Variants in HNF4G observed in about 807,000 individuals in gnomAD.
The protein encoded by HNF4G is hepatocyte nuclear factor 4 gamma, also known as hepatocyte nuclear factor 4-gamma.
In HNF4G, 21 loss-of-function variants were observed where a neutral mutation model predicts 50.9. The observed-to-expected ratio is 0.41, with a 90% CI of 0.29 to 0.59. The LOEUF (loss-of-function observed/expected upper bound fraction) is 0.59. Ranked by LOEUF, HNF4G falls within the 20% of genes least tolerant of loss-of-function variation. HNF4G has a pLI of 0.26. For missense variants in HNF4G, 527 were observed against 559.4 expected (o/e 0.94, Z 0.58); for synonymous variants, 198 against 185.6 (o/e 1.07, Z -0.54).
chr8:75,424,571 A>ACT (rs1810848860), intron 1 of HNF4G, among the ~76,000 whole-genome samples: 1 of 152,082 alleles, frequency 6.6e-6, no homozygotes, highest in Admixed American at 6.6e-5. Context: ...CCCAGAGTCT[A>ACT]CTGTTCCTAA....
intron 1 of HNF4G, among the ~76,000 whole-genome samples, chr8:75,431,778 T>C (rs182918210): frequency 6.6e-6 from 1 of 151,344 alleles, no homozygotes; most frequent in Admixed American, 6.6e-5. Flanking sequence ...ATACAAAAAT[T>C]AGCTGGGTGT....
intron 2 of HNF4G, among the ~76,000 whole-genome samples, chr8:75,498,882 A>G (rs1812851467): frequency 6.6e-6 from 1 of 152,112 alleles, no homozygotes. Flanking sequence ...CAGAAATACA[A>G]GTGAACTTTA....
At chr8:75,454,246 T>TAC (rs1290925282) in intron 1 of HNF4G, among the ~76,000 whole-genome samples, 1 of 152,100 alleles carries the variant, frequency 6.6e-6, no homozygotes, top group Admixed American at 6.6e-5. Context: ...ATTTTGGACT[T>TAC]ACAGTCTCAA....
chr8:75,495,308 C>A (rs1336871565), intron 2 of HNF4G: 4 of 152,062 alleles, frequency 2.6e-5, no homozygotes, highest in Non-Finnish European at 4.4e-5. Context: ...CATGTGATGG[C>A]ATTCACTATT....
At position 75,512,450 on chromosome 8, in the gene HNF4G, C is replaced by CTATTATTAT. The variant is rs67502734; in HGVS notation, c.-24+22256_-24+22264dup. ...ATCTTTATTATTATTATTACTATTA[C>CTATTATTAT]TATTATTATTATTATTATTATTGTT... On this transcript the variant is annotated intron_variant, in intron 2 of 10. Coordinates refer to the HNF4G transcript ENST00000354370. Among the ~76,000 whole-genome samples the CTATTATTAT allele has an allele frequency of 7.0e-3, 1,022 of 146,868 alleles. 11 individuals are homozygous for CTATTATTAT. The highest frequency in any genetic ancestry group is 0.03 in the South Asian group (140 of 4,676).
At chr8:75,492,531 C>A (rs1443949715) in intron 2 of HNF4G, among the ~76,000 whole-genome samples, 1 of 152,184 alleles carries the variant, frequency 6.6e-6, no homozygotes, top group East Asian at 1.9e-4. Flanking sequence ...CCCATTCTCA[C>A]CAATAATGAT....
intron 1 of HNF4G, among the ~76,000 whole-genome samples, chr8:75,464,964 T>C (rs1374302594): frequency 6.6e-6 from 1 of 152,158 alleles, no homozygotes; most frequent in African/African-American, 2.4e-5. Flanking sequence ...GTGGTAAACC[T>C]TGTTTTCTAA....
intron 1 of HNF4G, among the ~76,000 whole-genome samples, chr8:75,457,628 A>C (rs1402261928): frequency 6.6e-6 from 1 of 152,110 alleles, no homozygotes; most frequent in South Asian, 2.1e-4. Flanking sequence ...TTGGAGCCTG[A>C]CATGCTGCAG....
In HNF4G at chr8:75,543,993, C is replaced by A. The variant is rs750041349; in HGVS notation, c.287+14C>A. ...TTATTCTTGCAGGTACTTTAAATGC[C>A]CTTTTAGGCAAGTTATCTTTACAGA... is the stretch of plus-strand genomic sequence containing the variant. On this transcript the variant is annotated intron_variant, in intron 2 of 9. Coordinates refer to ENST00000396423, the MANE Select transcript of HNF4G (RefSeq NM_004133.5). The A allele has an allele frequency of 6.4e-7, 1 of 1,553,168 alleles. No individual in the cohort carries two copies. The highest frequency in any genetic ancestry group is 8.7e-7 in the Non-Finnish European group (1 of 1,146,444).
chr8:75,427,098 T>C (rs997348812), intron 1 of HNF4G, among the ~76,000 whole-genome samples: 1 of 152,192 alleles, frequency 6.6e-6, no homozygotes, highest in Non-Finnish European at 1.5e-5. Context: ...GTAATCTTTT[T>C]AGACCAGTAT....
chr8:75,419,399 A>C (rs552607609), intron 1 of HNF4G, among the ~76,000 whole-genome samples: 65 of 152,338 alleles, frequency 4.3e-4, no homozygotes, highest in African/African-American at 1.5e-3. Flanking sequence ...TCCAGAGGCT[A>C]CTAAACTGGG....
chr8:75,559,402 T>A (rs187936975), intron 8 of HNF4G, among the ~76,000 whole-genome samples: 6 of 152,054 alleles, frequency 3.9e-5, no homozygotes, highest in Non-Finnish European at 7.4e-5. Context: ...GCCTCCGGAG[T>A]AGCTGGGACT....
chr8:75,454,397 C>T (rs555232396), intron 1 of HNF4G, among the ~76,000 whole-genome samples: 2 of 152,276 alleles, frequency 1.3e-5, no homozygotes, highest in South Asian at 2.1e-4. Flanking sequence ...CCCAGTACAT[C>T]GTAAAACCTC....
chr8:75,541,200 G>A (rs1261576298), intron 1 of HNF4G, among the ~76,000 whole-genome samples: 1 of 151,968 alleles, frequency 6.6e-6, no homozygotes, highest in Non-Finnish European at 1.5e-5. Flanking sequence ...GGACATATTT[G>A]CCATAATCAT....
At chr8:75,418,437 C>T (rs915805842) in intron 1 of HNF4G, among the ~76,000 whole-genome samples, 2 of 152,168 alleles carry the variant, frequency 1.3e-5, no homozygotes, top group African/African-American at 2.4e-5. Flanking sequence ...TCCTTACAGT[C>T]TATGCATATA....
intron 1 of HNF4G, among the ~76,000 whole-genome samples, chr8:75,463,062 T>A: frequency 6.8e-6 from 1 of 147,050 alleles, no homozygotes; most frequent in East Asian, 2.0e-4. Context: ...CTGCTTGTTT[T>A]TTTGTTTTTT....
At chr8:75,486,777 G>A in intron 1 of HNF4G, among the ~76,000 whole-genome samples, 1 of 152,162 alleles carries the variant, frequency 6.6e-6, no homozygotes, top group East Asian at 1.9e-4. Flanking sequence ...GTTGAGCCGG[G>A]AGGATCTCTT....
At chr8:75,540,851 A>ATG (rs56799230) in intron 1 of HNF4G, among the ~76,000 whole-genome samples, 31,470 of 146,324 alleles carry the variant, frequency 0.22, 3,258 homozygotes, top group Middle Eastern at 0.23. Flanking sequence ...GAAAATGTGT[A>ATG]TGTGTGTGTG....
At chr8:75,529,844 T>C (rs1366976808) in intron 2 of HNF4G, among the ~76,000 whole-genome samples, 1 of 152,182 alleles carries the variant, frequency 6.6e-6, no homozygotes, top group Non-Finnish European at 1.5e-5. Context: ...TTATCTTATT[T>C]TTAATTTTTA....
Sources: allele counts gnomAD v4.1 joint callset (sites outside exome capture counted in the v4.1 genomes callset), GRCh38; gene constraint gnomAD v4.1.1; transcripts MANE v1.5; gene names NCBI Gene and HGNC (gene_info 2026-07-23, HGNC 2026-07-21).